Variants in CNTNAP2 observed in about 807,000 individuals in gnomAD.
CNTNAP2 encodes the protein contactin associated protein 2, also known as contactin-associated protein-like 2.
A neutral mutation model predicts 155.2 loss-of-function variants in CNTNAP2; 98 were observed. The ratio of observed to expected loss-of-function variants is 0.63; its 90% CI spans 0.54 to 0.75. The LOEUF is 0.75. CNTNAP2 is among the 30% of genes least tolerant of loss of function. The pLI is 0.00. For missense variants in CNTNAP2, 1,727 were observed against 1,688.1 expected (o/e 1.02, Z -0.40); for synonymous variants, 651 against 631.2 (o/e 1.03, Z -0.47).
chr7:146,947,125 A>T (rs2129226940), intron 3 of CNTNAP2, among the ~76,000 whole-genome samples: 1 of 151,788 alleles, frequency 6.6e-6, no homozygotes, highest in Middle Eastern at 3.4e-3. Flanking sequence ...TCTGCCTCCC[A>T]TGTACGAGTA....
At chr7:146,608,429 T>C (rs1005693993) in intron 1 of CNTNAP2, among the ~76,000 whole-genome samples, 8 of 152,188 alleles carry the variant, frequency 5.3e-5, no homozygotes, top group African/African-American at 1.7e-4. Flanking sequence ...AATGAAAATA[T>C]GTGTGAGTAA....
intron 1 of CNTNAP2, among the ~76,000 whole-genome samples, chr7:146,220,221 C>A (rs914475746): frequency 3.3e-5 from 5 of 151,848 alleles, no homozygotes; most frequent in African/African-American, 1.2e-4. Flanking sequence ...GTGACTTTGG[C>A]GTCAAGGAAT....
At chr7:147,231,213 A>G (rs980053738) in intron 8 of CNTNAP2, among the ~76,000 whole-genome samples, 2 of 152,196 alleles carry the variant, frequency 1.3e-5, no homozygotes, top group East Asian at 1.9e-4. Context: ...GAGCCAAACC[A>G]TATCACCTAA....
Position 148,293,087 on chromosome 7 carries a change from A to ATT in CNTNAP2, c.3475+25962_3475+25963insTT, listed in dbSNP as rs1563028733. 3.8e-4 allele frequency among the ~76,000 whole-genome samples: 21 copies of ATT among 55,390 alleles called. No homozygotes were observed. The East Asian group carries it at 0.026, about 68-fold the overall frequency. The allele number at this position is 55,390 out of a possible 152,430, so 36.3% of individuals were successfully genotyped here. On this transcript the variant is annotated intron_variant, in intron 21 of 23. Transcript: ENST00000361727. ...ATTGACAAAAAATAAATAAAATAAA[A>ATT]TAAAATAAATGACCAAAATCTGCTA...
chr7:146,872,896 C>G (rs1213336567), intron 3 of CNTNAP2, among the ~76,000 whole-genome samples: 1 of 152,080 alleles, frequency 6.6e-6, no homozygotes, highest in African/African-American at 2.4e-5. Flanking sequence ...TTCATTTTAG[C>G]CAATGTTTAT....
intron 23 of CNTNAP2, among the ~76,000 whole-genome samples, chr7:148,414,106 C>T (rs373362948): frequency 6.9e-6 from 1 of 144,730 alleles, no homozygotes; most frequent in African/African-American, 2.7e-5. Context: ...GAGTCCCCCC[C>T]CCCCCCCTCA....
chr7:146,389,542 G>T (rs1018928372), intron 1 of CNTNAP2, among the ~76,000 whole-genome samples: 4 of 151,148 alleles, frequency 2.6e-5, no homozygotes, highest in Admixed American at 2.0e-4. Context: ...ATTTTAAATT[G>T]TATAGCTTTT....
At chr7:147,987,587 A>T (rs1199783556) in intron 15 of CNTNAP2, among the ~76,000 whole-genome samples, 1 of 152,246 alleles carries the variant, frequency 6.6e-6, no homozygotes, top group African/African-American at 2.4e-5. Context: ...GCCAAATATG[A>T]GTGACCATGG....
intron 3 of CNTNAP2, among the ~76,000 whole-genome samples, chr7:146,930,646 G>A (rs1796729953): frequency 6.6e-6 from 1 of 152,098 alleles, no homozygotes; most frequent in Admixed American, 6.5e-5. Flanking sequence ...CTGGCAAATT[G>A]GATAAAGAGT....
intron 10 of CNTNAP2, among the ~76,000 whole-genome samples, chr7:147,478,101 C>G (rs1289412812): frequency 6.6e-6 from 1 of 150,470 alleles, no homozygotes; most frequent in Non-Finnish European, 1.5e-5. Flanking sequence ...AACTGCAGTC[C>G]TATTTTAGTT....
chr7:147,102,293 A>AAAAAAAAG (rs1800673465), intron 4 of CNTNAP2, among the ~76,000 whole-genome samples: 1 of 151,530 alleles, frequency 6.6e-6, no homozygotes, highest in Non-Finnish European at 1.5e-5. Context: ...AAAAAAAAAA[A>AAAAAAAAG]AAAAGAAGCT....
intron 15 of CNTNAP2, among the ~76,000 whole-genome samples, chr7:148,004,228 A>G (rs575861413): frequency 2.0e-5 from 3 of 152,174 alleles, no homozygotes; most frequent in Non-Finnish European, 4.4e-5. Context: ...AATATCTCAA[A>G]TTCTTTCAGA....
At chr7:148,093,400 CTGATA>C (rs1252834840) in intron 15 of CNTNAP2, among the ~76,000 whole-genome samples, 1 of 152,212 alleles carries the variant, frequency 6.6e-6, no homozygotes, top group African/African-American at 2.4e-5. Context: ...GAAACCTTCT[CTGATA>C]TGACGACTAT....
At chr7:147,386,005 A>G (rs1174289595) in intron 9 of CNTNAP2, among the ~76,000 whole-genome samples, 2 of 152,180 alleles carry the variant, frequency 1.3e-5, no homozygotes, top group African/African-American at 2.4e-5. Flanking sequence ...ATGTGCACCC[A>G]CAGGCTCAAT....
chr7:147,378,638 T>G (rs1796481933), intron 9 of CNTNAP2, among the ~76,000 whole-genome samples: 1 of 152,048 alleles, frequency 6.6e-6, no homozygotes, highest in Non-Finnish European at 1.5e-5. Flanking sequence ...ATGGTGACAG[T>G]TAACGGTTAC....
intron 8 of CNTNAP2, among the ~76,000 whole-genome samples, chr7:147,272,525 G>A (rs1804774612): frequency 6.6e-6 from 1 of 151,720 alleles, no homozygotes; most frequent in African/African-American, 2.4e-5. Context: ...TCGAGACAGA[G>A]TCCGGCTCTG....
intron 1 of CNTNAP2, among the ~76,000 whole-genome samples, chr7:146,572,705 G>A (rs1382656963): frequency 6.6e-5 from 10 of 152,102 alleles, no homozygotes. Context: ...AGATAAAACA[G>A]TATGAAAAGC....
intron 3 of CNTNAP2, among the ~76,000 whole-genome samples, chr7:146,901,340 ATCTG>A (rs1418835083): frequency 2.0e-5 from 3 of 152,228 alleles, no homozygotes; most frequent in Admixed American, 6.5e-5. Flanking sequence ...AGAATAAAAT[ATCTG>A]TATGTATGCA....
chr7:146,825,238 C>G (rs546844562), intron 2 of CNTNAP2, among the ~76,000 whole-genome samples: 1 of 152,020 alleles, frequency 6.6e-6, no homozygotes, highest in Non-Finnish European at 1.5e-5. Flanking sequence ...AAAAATCTCC[C>G]CTCTTTATCA....
Sources: gnomAD v4.1 joint callset for allele counts (sites outside exome capture counted in the v4.1 genomes callset) on GRCh38, gnomAD v4.1.1 for gene constraint, MANE v1.5 for transcripts, NCBI Gene and HGNC (gene_info 2026-07-23, HGNC 2026-07-21) for gene names.